The following CFAP61 variants were observed in gnomAD, a reference collection of about 807,000 sequenced individuals.
CFAP61 encodes the protein cilia- and flagella-associated protein 61.
Under a neutral mutation model 135.6 loss-of-function variants are expected in CFAP61, and 107 were observed. The ratio of observed to expected loss-of-function variants is 0.79; its 90% CI spans 0.67 to 0.93. The LOEUF (loss-of-function observed/expected upper bound fraction) is 0.93, where lower values mean the gene tolerates loss of function less well. Among genes scored for constraint, CFAP61 ranks in the 40% least tolerant of loss-of-function variants. The pLI, the probability that CFAP61 is intolerant of heterozygous loss-of-function variation, is 0.00. For synonymous variants in CFAP61, 575 were observed against 578.5 expected, an observed-to-expected ratio of 0.99 and a Z score of 0.09; for missense variants, 1,507 against 1,556.2, an observed-to-expected ratio of 0.97 and a Z score of 0.53.
Position 20,360,194 on chromosome 20 carries a change from T to C in CFAP61, c.3514-16T>C, listed in dbSNP as rs112673075. 7 of 1,603,446 alleles carry C rather than the reference T, an allele frequency of 4.4e-6. No individual in the cohort carries two copies. Among genetic ancestry groups the C allele is most frequent in the South Asian group, 1.1e-5 (1 of 90,874 alleles). On this transcript the variant is annotated splice_polypyrimidine_tract_variant and intron_variant, in intron 26 of 26. Transcript: ENST00000245957. ...CCAATTAATTTCTGTATCTGGCCTCTTACTGTGTTTTACAGGAGGAAGATC... is the reference window on the plus strand; with the variant it reads ...CCAATTAATTTCTGTATCTGGCCTCCTACTGTGTTTTACAGGAGGAAGATC...
At chr20:20,154,928 A>G (rs1472066029) in intron 9 of CFAP61, among the ~76,000 whole-genome samples, 1 of 152,134 alleles carries the variant, frequency 6.6e-6, no homozygotes. Context: ...AAACAATCCA[A>G]AAATTCATAT....
At chr20:20,118,054 C>A (rs558487956) in intron 8 of CFAP61, among the ~76,000 whole-genome samples, 2 of 152,196 alleles carry the variant, frequency 1.3e-5, no homozygotes, top group African/African-American at 4.8e-5. Context: ...TTGACATCTT[C>A]CTTTTCAATT....
chr20:20,305,824 G>A (rs1569274458), intron 25 of CFAP61, among the ~76,000 whole-genome samples: 1 of 152,284 alleles, frequency 6.6e-6, no homozygotes, highest in Admixed American at 6.5e-5. Flanking sequence ...GTTTGCTCAC[G>A]TACTCTGGGG....
rs369465869 is a variant in CFAP61, at chr20:20,075,532, G to T, written c.483G>T (p.Pro161=). ...TTTTTGACCAAGTGGGGAACATCCC[G>T]TGTCTGACGTATGAGGAAGACTTTG... is the stretch of plus-strand genomic sequence containing the variant. ...ITVFDQVGNI[P]CLTYEEDFAV... The change falls in exon 6 of 27, where the codon CCG becomes CCT. Residue 161 remains proline, a synonymous_variant. Transcript: ENST00000245957. 8 of 1,614,068 alleles carry T rather than the reference G, an allele frequency of 5.0e-6. No homozygotes were observed. In the South Asian group the frequency reaches 7.7e-5, roughly 16 times the overall value.
chr20:20,114,203 G>T (rs1169934243), intron 8 of CFAP61, among the ~76,000 whole-genome samples: 2 of 152,186 alleles, frequency 1.3e-5, no homozygotes, highest in African/African-American at 4.8e-5. Context: ...CTGGGAGGTG[G>T]AGGTTGCAGT....
intron 6 of CFAP61, among the ~76,000 whole-genome samples, chr20:20,087,881 A>G (rs1256666854): frequency 6.6e-6 from 1 of 151,252 alleles, no homozygotes; most frequent in Admixed American, 6.6e-5. Flanking sequence ...TTTTTTTCTA[A>G]TCTCTTCAAG....
chr20:20,331,462 G>T (rs2057992321), intron 25 of CFAP61, among the ~76,000 whole-genome samples: 1 of 148,170 alleles, frequency 6.7e-6, no homozygotes, highest in Non-Finnish European at 1.5e-5. Context: ...AATTAGAAAA[G>T]CCTATTTGCT....
intron 26 of CFAP61, among the ~76,000 whole-genome samples, chr20:20,344,873 TA>T (rs894297128): frequency 5.4e-5 from 8 of 147,876 alleles, no homozygotes; most frequent in Non-Finnish European, 7.5e-5. Flanking sequence ...AGTGAATGGA[TA>T]AAAAAAAAAT....
At chr20:20,081,816 A>G (rs1173695533) in intron 6 of CFAP61, among the ~76,000 whole-genome samples, 1 of 152,232 alleles carries the variant, frequency 6.6e-6, no homozygotes, top group Middle Eastern at 3.2e-3. Flanking sequence ...TGAAAGAAGC[A>G]AAACACAAGA....
chr20:20,330,190 A>G (rs906201793), intron 25 of CFAP61, among the ~76,000 whole-genome samples: 5 of 152,218 alleles, frequency 3.3e-5, no homozygotes, highest in Non-Finnish European at 7.3e-5. Flanking sequence ...ATTATATTTA[A>G]CCCAAGATAT....
intron 1 of CFAP61, chr20:20,056,115 G>A: frequency 2.4e-6 from 2 of 827,792 alleles, no homozygotes; most frequent in Non-Finnish European, 3.9e-6. Flanking sequence ...GGGCCTGGTG[G>A]CCCTTCAGGA....
chr20:20,133,676 A>C (rs1428887743), intron 8 of CFAP61, among the ~76,000 whole-genome samples: 1 of 152,240 alleles, frequency 6.6e-6, no homozygotes, highest in African/African-American at 2.4e-5. Flanking sequence ...CTAAGGAGAC[A>C]CAAACTTCAG....
At chr20:20,355,265 C>A (rs555952019) in intron 26 of CFAP61, among the ~76,000 whole-genome samples, 8 of 132,952 alleles carry the variant, frequency 6.0e-5, no homozygotes, top group African/African-American at 1.8e-4. Context: ...GAGGTGGTCA[C>A]ACTGTGAGGG....
intron 17 of CFAP61, among the ~76,000 whole-genome samples, chr20:20,208,495 G>A (rs1038989112): frequency 2.0e-5 from 3 of 152,222 alleles, no homozygotes; most frequent in African/African-American, 7.2e-5. Flanking sequence ...AGGATGGGGA[G>A]GGCCTCTTGT....
chr20:20,291,264 G>A (rs970991834), intron 24 of CFAP61, among the ~76,000 whole-genome samples: 1 of 152,172 alleles, frequency 6.6e-6, no homozygotes, highest in Non-Finnish European at 1.5e-5. Context: ...CACCATTACA[G>A]GATTATACAG....
intron 15 of CFAP61, among the ~76,000 whole-genome samples, chr20:20,194,425 A>G (rs2056142821): frequency 6.6e-6 from 1 of 152,248 alleles, no homozygotes; most frequent in East Asian, 1.9e-4. Flanking sequence ...TGTTTATTAC[A>G]TGTAAGATCC....
At chr20:20,150,267 C>G (rs147306203) in intron 9 of CFAP61, among the ~76,000 whole-genome samples, 1 of 152,106 alleles carries the variant, frequency 6.6e-6, no homozygotes, top group Non-Finnish European at 1.5e-5. Context: ...GATAGTATTT[C>G]TCTACCCACC....
At chr20:20,127,443 A>G (rs1230199730) in intron 8 of CFAP61, among the ~76,000 whole-genome samples, 1 of 151,520 alleles carries the variant, frequency 6.6e-6, no homozygotes, top group Non-Finnish European at 1.5e-5. Context: ...CCCTTTTCCT[A>G]TGGATGTGGC....
intron 1 of CFAP61, 70 bp downstream of exon 1, chr20:20,052,661 G>A (rs762438664): frequency 1.2e-6 from 2 of 1,613,442 alleles, no homozygotes; most frequent in Non-Finnish European, 1.7e-6. Flanking sequence ...CGCATCCCCA[G>A]GTCAGCCTCC....
Sources: gnomAD v4.1 joint callset for allele counts (sites outside exome capture counted in the v4.1 genomes callset) on GRCh38, gnomAD v4.1.1 for gene constraint, MANE v1.5 for transcripts, NCBI Gene and HGNC (gene_info 2026-07-23, HGNC 2026-07-21) for gene names.